MYLK: variants seen among roughly 807,000 people sequenced by gnomAD.
MYLK encodes myosin light chain kinase.
In MYLK, 106 loss-of-function variants were observed where a neutral mutation model predicts 203.4. The observed-to-expected ratio is 0.52, with a 90% CI of 0.45 to 0.61. The LOEUF (loss-of-function observed/expected upper bound fraction) is 0.61. MYLK is among the 20% of genes least tolerant of loss of function. The pLI, the probability that MYLK is intolerant of heterozygous loss-of-function variation, is 0.00. For synonymous variants in MYLK, 867 were observed against 959.5 expected (o/e 0.90, Z 1.78); for missense variants, 2,072 against 2,442.3 (o/e 0.85, Z 3.20).
At chr3:123,793,347 A>G (rs770235935) in intron 4 of MYLK, among the ~76,000 whole-genome samples, 25 of 152,154 alleles carry the variant, frequency 1.6e-4, no homozygotes, top group Non-Finnish European at 3.1e-4. Flanking sequence ...GGACATATAT[A>G]AACCCAAGCT....
chr3:123,630,253 C>T (rs1013582602), intron 29 of MYLK, among the ~76,000 whole-genome samples: 9 of 152,192 alleles, frequency 5.9e-5, no homozygotes, highest in Admixed American at 4.6e-4. Flanking sequence ...GCAGCCTCTC[C>T]GCTTGCTGTA....
intron 12 of MYLK, among the ~76,000 whole-genome samples, chr3:123,722,496 G>A (rs1443960073): frequency 6.6e-6 from 1 of 152,244 alleles, no homozygotes; most frequent in African/African-American, 2.4e-5. Flanking sequence ...TGAAGGAAAG[G>A]GAGTAATTGT....
chr3:123,759,577 C>T (rs896231000), intron 4 of MYLK, among the ~76,000 whole-genome samples: 2 of 152,208 alleles, frequency 1.3e-5, no homozygotes, highest in Admixed American at 1.3e-4. Context: ...CCTTTCCACC[C>T]ATTATGTGTT....
chr3:123,727,408 G>T (rs1341195281), intron 11 of MYLK, among the ~76,000 whole-genome samples: 2 of 152,148 alleles, frequency 1.3e-5, no homozygotes, highest in South Asian at 4.1e-4. Context: ...GGTCAGTTTG[G>T]GTTAGAAATA....
chr3:123,735,241 G>A (rs960890090), intron 9 of MYLK, 157 bp downstream of exon 9: 3 of 995,060 alleles, frequency 3.0e-6, no homozygotes, highest in Non-Finnish European at 4.8e-6. Flanking sequence ...TATTACAATA[G>A]GAGAACAAGA....
intron 4 of MYLK, among the ~76,000 whole-genome samples, chr3:123,764,080 AC>A (rs1408183299): frequency 2.0e-5 from 3 of 152,098 alleles, no homozygotes; most frequent in African/African-American, 4.8e-5. Flanking sequence ...ACTTCAAAAA[AC>A]CCTTTTTCAG....
At position 123,610,329 on chromosome 3, in the gene MYLK, A is replaced by G. The variant is rs927342048; in HGVS notation, c.*3776T>C. On this transcript the variant is annotated 3_prime_UTR_variant, in exon 34 of 34. Transcript: ENST00000360304. The stretch of plus-strand genomic sequence containing the variant: ...TGATAAGCCTGTATCAGGATAGTCT[A>G]GGTTATGTTGCAGCCACTGAGAACC... 6.6e-6 allele frequency: 1 copy of G among 152,164 alleles called. No homozygotes were observed. The highest frequency in any genetic ancestry group is 1.5e-5 in the Non-Finnish European group (1 of 68,022). 9.4% of individuals were successfully genotyped at this position (152,164 alleles called of 1,614,324 possible).
chr3:123,744,713 A>T (rs1316197538), intron 5 of MYLK, among the ~76,000 whole-genome samples: 1 of 152,180 alleles, frequency 6.6e-6, no homozygotes, highest in Non-Finnish European at 1.5e-5. Flanking sequence ...ATAACAAGAG[A>T]CTATAGAGAA....
At chr3:123,867,292 C>T (rs1237318084) in intron 2 of MYLK, among the ~76,000 whole-genome samples, 1 of 151,984 alleles carries the variant, frequency 6.6e-6, no homozygotes, top group African/African-American at 2.4e-5. Flanking sequence ...CCCCAAAAAT[C>T]TTATTGAAGT....
At chr3:123,659,587 C>A in intron 23 of MYLK, 1 of 443,920 alleles carries the variant, frequency 2.3e-6, no homozygotes, top group East Asian at 6.3e-5. Flanking sequence ...CCTCCCACTC[C>A]TCCACCTGCC....
intron 22 of MYLK, 117 bp from the exon 23 acceptor site, chr3:123,664,375 G>T: frequency 3.5e-6 from 5 of 1,423,428 alleles, no homozygotes; most frequent in Non-Finnish European, 4.9e-6. Context: ...CTGTGGGGGG[G>T]CTCAGTCTGG....
intron 20 of MYLK, among the ~76,000 whole-genome samples, chr3:123,675,949 A>G (rs998888491): frequency 3.3e-5 from 5 of 152,236 alleles, no homozygotes; most frequent in Admixed American, 2.6e-4. Context: ...CTCTGGGCAA[A>G]TTTCTTGCTC....
chr3:123,685,773 C>T (rs1268532409), intron 19 of MYLK, among the ~76,000 whole-genome samples: 1 of 152,170 alleles, frequency 6.6e-6, no homozygotes, highest in African/African-American at 2.4e-5. Flanking sequence ...GTCCTCGGCC[C>T]TAGGGTGCTG....
At chr3:123,690,056 G>T (rs2060601909) in intron 19 of MYLK, among the ~76,000 whole-genome samples, 1 of 152,190 alleles carries the variant, frequency 6.6e-6, no homozygotes, top group African/African-American at 2.4e-5. Flanking sequence ...CAGGATGAGT[G>T]AATGATAGCG....
intron 2 of MYLK, among the ~76,000 whole-genome samples, chr3:123,856,682 T>TA (rs2031404157): frequency 2.0e-5 from 3 of 152,170 alleles, no homozygotes; most frequent in Admixed American, 2.0e-4. Context: ...CTCAAAGTGT[T>TA]ACACAGGCTG....
intron 2 of MYLK, among the ~76,000 whole-genome samples, chr3:123,838,275 C>A (rs1023695246): frequency 6.6e-6 from 1 of 152,050 alleles, no homozygotes. Flanking sequence ...AAAGAAAGAA[C>A]CCTGTCAATC....
intron 3 of MYLK, among the ~76,000 whole-genome samples, chr3:123,822,354 A>G (rs1049231084): frequency 6.6e-6 from 1 of 152,188 alleles, no homozygotes; most frequent in Non-Finnish European, 1.5e-5. Flanking sequence ...TCAAGAGAAG[A>G]GGCCACTGCT....
chr3:123,836,480 G>T (rs1214557720), intron 2 of MYLK, among the ~76,000 whole-genome samples: 1 of 152,016 alleles, frequency 6.6e-6, no homozygotes, highest in Non-Finnish European at 1.5e-5. Context: ...ATATTTTGGG[G>T]GTTATGCCAT....
intron 3 of MYLK, among the ~76,000 whole-genome samples, chr3:123,826,358 C>A (rs1474508758): frequency 1.3e-5 from 2 of 152,262 alleles, no homozygotes; most frequent in African/African-American, 4.8e-5. Flanking sequence ...CATCACCAGG[C>A]TGGCTGAGCA....
Sources: allele counts gnomAD v4.1 joint callset (sites outside exome capture counted in the v4.1 genomes callset), GRCh38; gene constraint gnomAD v4.1.1; transcripts MANE v1.5; gene names NCBI Gene and HGNC (gene_info 2026-07-23, HGNC 2026-07-21).